Variants in GRM8 observed in about 807,000 individuals in gnomAD.
GRM8 encodes the protein glutamate metabotropic receptor 8.
A neutral mutation model predicts 87.2 loss-of-function variants in GRM8; 47 were observed. That is an observed-to-expected ratio of 0.54 (90% CI 0.43 to 0.69). The LOEUF is 0.69. GRM8 is among the 30% of genes least tolerant of loss of function. GRM8 has a pLI of 0.00. For synonymous variants in GRM8, 396 were observed against 404.5 expected (o/e 0.98, Z 0.25); for missense variants, 1,019 against 1,139.2 (o/e 0.89, Z 1.52).
At position 126,809,780 on chromosome 7, in the gene GRM8, C is replaced by G. The variant is rs528675585; in HGVS notation, c.1157-39715G>C. ...GAAGTCAATGCCTTTATACCTTCACCTGGGGAGTGCAACAATATACTCTGA... is the reference window on the plus strand; with the variant it reads ...GAAGTCAATGCCTTTATACCTTCACGTGGGGAGTGCAACAATATACTCTGA... On this transcript the variant is annotated intron_variant, in intron 6 of 10. Coordinates refer to ENST00000339582, the MANE Select transcript of GRM8 (RefSeq NM_000845.3). Among the ~76,000 whole-genome samples, 13 of 152,202 alleles carry G rather than the reference C, an allele frequency of 8.5e-5. No homozygotes were observed. In the South Asian group the frequency reaches 2.7e-3, roughly 32 times the overall value.
intron 1 of GRM8, among the ~76,000 whole-genome samples, chr7:127,244,594 T>C (rs17867186): frequency 0.013 from 2,019 of 152,310 alleles, 41 homozygotes; most frequent in African/African-American, 0.042. Context: ...AATGCTCATT[T>C]CTAACCTATT....
At chr7:127,241,557 C>T (rs1307275688) in intron 2 of GRM8, among the ~76,000 whole-genome samples, 1 of 152,046 alleles carries the variant, frequency 6.6e-6, no homozygotes, top group African/African-American at 2.4e-5. Flanking sequence ...CCTCAGCCTC[C>T]CAAGTAGCTG....
chr7:126,973,303 A>G (rs1810619930), intron 3 of GRM8, among the ~76,000 whole-genome samples: 1 of 152,180 alleles, frequency 6.6e-6, no homozygotes, highest in Admixed American at 6.5e-5. Context: ...TTGCTGTATA[A>G]AATAGTGGTT....
intron 3 of GRM8, among the ~76,000 whole-genome samples, chr7:127,002,165 G>A (rs1813794495): frequency 6.6e-6 from 1 of 151,546 alleles, no homozygotes; most frequent in South Asian, 2.1e-4. Flanking sequence ...AACTAGAATG[G>A]ATGCATGTTG....
intron 2 of GRM8, among the ~76,000 whole-genome samples, chr7:127,118,553 C>T (rs1826839036): frequency 6.6e-6 from 1 of 152,174 alleles, no homozygotes; most frequent in African/African-American, 2.4e-5. Context: ...TGTACATGTT[C>T]ATTTTGCCAA....
chr7:126,890,380 G>A (rs1273843245), intron 6 of GRM8, among the ~76,000 whole-genome samples: 1 of 152,060 alleles, frequency 6.6e-6, no homozygotes, highest in Non-Finnish European at 1.5e-5. Flanking sequence ...TGGACTCTAG[G>A]TTGCTAGCTA....
At chr7:126,608,347 G>A (rs113903842) in intron 8 of GRM8, among the ~76,000 whole-genome samples, 1 of 152,042 alleles carries the variant, frequency 6.6e-6, no homozygotes, top group Non-Finnish European at 1.5e-5. Flanking sequence ...TTCCTCCTCC[G>A]TACTGCCATC....
chr7:126,783,650 A>G (rs1205297620), intron 6 of GRM8, among the ~76,000 whole-genome samples: 3 of 152,206 alleles, frequency 2.0e-5, no homozygotes, highest in Non-Finnish European at 4.4e-5. Context: ...ATAGTAACAA[A>G]TTGAACACTG....
intron 3 of GRM8, among the ~76,000 whole-genome samples, chr7:126,919,228 G>A (rs182960268): frequency 6.6e-6 from 1 of 152,232 alleles, no homozygotes; most frequent in African/African-American, 2.4e-5. Context: ...TAACATTTGT[G>A]GCTATCAGTT....
intron 8 of GRM8, among the ~76,000 whole-genome samples, chr7:126,574,109 C>T (rs1045181094): frequency 6.6e-6 from 1 of 152,136 alleles, no homozygotes; most frequent in African/African-American, 2.4e-5. Flanking sequence ...AGAAGTAAAA[C>T]TTAAAACACC....
chr7:127,111,437 T>C (rs555686343), intron 2 of GRM8, among the ~76,000 whole-genome samples: 1 of 152,292 alleles, frequency 6.6e-6, no homozygotes, highest in Middle Eastern at 3.4e-3. Flanking sequence ...GTGACTACAT[T>C]TCCTGGCCTT....
chr7:127,127,486 T>C (rs1216867861), intron 2 of GRM8, among the ~76,000 whole-genome samples: 1 of 152,034 alleles, frequency 6.6e-6, no homozygotes, highest in Admixed American at 6.6e-5. Context: ...CACAGTAATA[T>C]GAATGAATCT....
At chr7:126,840,959 T>C (rs779216911) in intron 6 of GRM8, among the ~76,000 whole-genome samples, 4 of 152,216 alleles carry the variant, frequency 2.6e-5, no homozygotes, top group Admixed American at 2.0e-4. Context: ...TATATAAAGA[T>C]TAAAGGCTCT....
intron 6 of GRM8, among the ~76,000 whole-genome samples, chr7:126,788,717 A>G (rs1820952321): frequency 6.6e-6 from 1 of 151,824 alleles, no homozygotes; most frequent in Non-Finnish European, 1.5e-5. Flanking sequence ...GCGTTTAATT[A>G]GACCTAGACT....
chr7:127,053,759 A>C (rs1453856907), intron 3 of GRM8, among the ~76,000 whole-genome samples: 1 of 128,198 alleles, frequency 7.8e-6, no homozygotes, highest in African/African-American at 3.0e-5. Context: ...TTACACTCTA[A>C]CCTGAGTGAC....
chr7:127,040,583 A>C (rs1200190487), intron 3 of GRM8, among the ~76,000 whole-genome samples: 7 of 141,554 alleles, frequency 4.9e-5, no homozygotes, highest in African/African-American at 1.9e-4. Context: ...CTGTCCTGCA[A>C]GTTACTTCTG....
chr7:127,062,982 G>T (rs548052134), intron 3 of GRM8, among the ~76,000 whole-genome samples: 1 of 152,014 alleles, frequency 6.6e-6, no homozygotes, highest in Non-Finnish European at 1.5e-5. Flanking sequence ...GCTGGGTGTG[G>T]TGGCTCACAC....
chr7:126,774,764 A>G (rs968189157), intron 6 of GRM8, among the ~76,000 whole-genome samples: 2 of 152,136 alleles, frequency 1.3e-5, no homozygotes, highest in African/African-American at 4.8e-5. Context: ...AACATTGTAT[A>G]TGTTACAATG....
intron 2 of GRM8, among the ~76,000 whole-genome samples, chr7:127,197,657 ATAAAGG>A (rs1795358989): frequency 6.6e-6 from 1 of 152,134 alleles, no homozygotes; most frequent in African/African-American, 2.4e-5. Flanking sequence ...AGTGAACAAT[ATAAAGG>A]TAAACAAACC....
Sources: gnomAD v4.1 joint callset for allele counts (sites outside exome capture counted in the v4.1 genomes callset) on GRCh38, gnomAD v4.1.1 for gene constraint, MANE v1.5 for transcripts, NCBI Gene and HGNC (gene_info 2026-07-23, HGNC 2026-07-21) for gene names.